The following EFHD1 variants were observed in gnomAD, a reference collection of about 807,000 sequenced individuals.
EFHD1 encodes EF-hand domain family member D1, also known as EF-hand domain-containing protein D1.
Under a neutral mutation model 17.2 loss-of-function variants are expected in EFHD1, and 10 were observed. The observed-to-expected ratio is 0.58, with a 90% CI of 0.36 to 0.99. The LOEUF (loss-of-function observed/expected upper bound fraction) is 0.99. Ranked by LOEUF, EFHD1 falls within the 50% of genes least tolerant of loss-of-function variation. The pLI is 0.01. For missense variants in EFHD1, 310 were observed against 327.5 expected, an observed-to-expected ratio of 0.95 and a Z score of 0.41; for synonymous variants, 153 against 142.0, an observed-to-expected ratio of 1.08 and a Z score of -0.55.
intron 1 of EFHD1, among the ~76,000 whole-genome samples, chr2:232,614,887 G>T (rs1693893102): frequency 6.6e-6 from 1 of 152,132 alleles, no homozygotes; most frequent in Admixed American, 6.6e-5. Flanking sequence ...GAGGCAGGAG[G>T]ATCGCTTGAG....
intron 1 of EFHD1, among the ~76,000 whole-genome samples, chr2:232,624,021 G>A (rs1332911386): frequency 6.6e-6 from 1 of 152,186 alleles, no homozygotes; most frequent in Non-Finnish European, 1.5e-5. Context: ...AAGGGCATGG[G>A]TGGGGACAAG....
intron 1 of EFHD1, among the ~76,000 whole-genome samples, chr2:232,646,198 G>C (rs575478683): frequency 3.3e-5 from 5 of 152,210 alleles, no homozygotes; most frequent in African/African-American, 1.2e-4. Flanking sequence ...ACAACATTCG[G>C]TAGCTCCCTA....
At chr2:232,656,162 T>C (rs1694758276) in intron 1 of EFHD1, among the ~76,000 whole-genome samples, 1 of 152,154 alleles carries the variant, frequency 6.6e-6, no homozygotes, top group Non-Finnish European at 1.5e-5. Context: ...ACCAGGCCCA[T>C]GGCCTCCCTG....
intron 1 of EFHD1, among the ~76,000 whole-genome samples, chr2:232,616,606 G>A (rs990357612): frequency 6.6e-6 from 1 of 152,078 alleles, no homozygotes; most frequent in African/African-American, 2.4e-5. Flanking sequence ...GCCACATGAT[G>A]CCACTTATAT....
intron 1 of EFHD1, among the ~76,000 whole-genome samples, chr2:232,660,454 C>A (rs1046565888): frequency 6.6e-6 from 1 of 151,912 alleles, no homozygotes; most frequent in Non-Finnish European, 1.5e-5. Context: ...CCCGCCTTGG[C>A]CTCCCAAAGT....
At chr2:232,626,948 G>C (rs1694111199) in intron 1 of EFHD1, among the ~76,000 whole-genome samples, 1 of 151,360 alleles carries the variant, frequency 6.6e-6, no homozygotes. Flanking sequence ...CACTTTGGGA[G>C]GTCAAGGCAG....
chr2:232,633,694 G>A lies in EFHD1; in HGVS notation c.-11G>A. 1 of 1,425,814 alleles carries A rather than the reference G, an allele frequency of 7.0e-7. No homozygotes were observed. Among genetic ancestry groups the A allele is most frequent in the Non-Finnish European group, 9.1e-7 (1 of 1,100,642 alleles). 88.3% of individuals were successfully genotyped at this position (1,425,814 alleles called of 1,614,324 possible). On this transcript the variant is annotated 5_prime_UTR_variant, in exon 1 of 4. Transcript: ENST00000264059. ...GCGTCCCCGCGTTCCCGCGTCCTGC[G>A]ATCCGCCGCCATGGCCAGTGAGGAG... is the stretch of plus-strand genomic sequence containing the variant.
chr2:232,613,719 T>C (rs1330666169), intron 1 of EFHD1, among the ~76,000 whole-genome samples: 4 of 134,992 alleles, frequency 3.0e-5, no homozygotes, highest in African/African-American at 8.4e-5. Context: ...CACACAAATA[T>C]ACACACACAT....
intron 1 of EFHD1, among the ~76,000 whole-genome samples, chr2:232,625,260 CTGGGACTA>C (rs1694086992): frequency 6.6e-6 from 1 of 151,882 alleles, no homozygotes; most frequent in Admixed American, 6.6e-5. Flanking sequence ...TCCGGAGTAG[CTGGGACTA>C]CAGGAACGCA....
intron 2 of EFHD1, among the ~76,000 whole-genome samples, chr2:232,666,580 T>C (rs1694970576): frequency 6.6e-6 from 1 of 152,210 alleles, no homozygotes; most frequent in South Asian, 2.1e-4. Context: ...CCTGAATCCA[T>C]GATGCTTGGT....
At chr2:232,675,740 G>C (rs888884895) in intron 3 of EFHD1, among the ~76,000 whole-genome samples, 5 of 152,122 alleles carry the variant, frequency 3.3e-5, no homozygotes, top group African/African-American at 7.2e-5. Context: ...GGTCCAATAA[G>C]GGTAGGGACA....
chr2:232,672,567 C>A (rs1269171788), intron 3 of EFHD1, 124 bp downstream of exon 3: 4 of 1,361,044 alleles, frequency 2.9e-6, no homozygotes, highest in Non-Finnish European at 3.0e-6. Flanking sequence ...AGGGTCCTCC[C>A]AGTGCTCTGC....
At chr2:232,625,481 A>AT (rs1279553816) in intron 1 of EFHD1, among the ~76,000 whole-genome samples, 2 of 152,130 alleles carry the variant, frequency 1.3e-5, no homozygotes, top group Non-Finnish European at 2.9e-5. Context: ...AATATATGAG[A>AT]TTTTTCAACT....
intron 1 of EFHD1, chr2:232,606,568 C>T: frequency 3.5e-6 from 1 of 282,944 alleles, no homozygotes; most frequent in Non-Finnish European, 7.1e-6. Context: ...GAGCAGGTTC[C>T]TCACCTGCAC....
At chr2:232,619,340 C>G (rs1445967512) in intron 1 of EFHD1, among the ~76,000 whole-genome samples, 1 of 143,738 alleles carries the variant, frequency 7.0e-6, no homozygotes, top group South Asian at 2.2e-4. Context: ...GATGAAGTCT[C>G]GCTCTTTTTC....
intron 1 of EFHD1, among the ~76,000 whole-genome samples, chr2:232,634,925 G>A (rs1305636024): frequency 6.6e-6 from 1 of 152,222 alleles, no homozygotes; most frequent in Non-Finnish European, 1.5e-5. Context: ...GTCATGCTTG[G>A]GCGTTTTTAA....
intron 3 of EFHD1, among the ~76,000 whole-genome samples, chr2:232,680,323 GAC>G (rs976708122): frequency 5.3e-5 from 8 of 151,830 alleles, no homozygotes; most frequent in Non-Finnish European, 1.2e-4. Flanking sequence ...TATAAATTGA[GAC>G]ACACACTCAC....
At chr2:232,644,834 G>T (rs1402063085) in intron 1 of EFHD1, among the ~76,000 whole-genome samples, 1 of 142,084 alleles carries the variant, frequency 7.0e-6, no homozygotes, top group South Asian at 2.3e-4. Flanking sequence ...TGGAGACGGG[G>T]TTTCTCCATG....
At chr2:232,662,656 T>C (rs1239510619) in intron 1 of EFHD1, 146 bp from the exon 2 acceptor site, 3 of 1,041,696 alleles carry the variant, frequency 2.9e-6, no homozygotes, top group Non-Finnish European at 3.9e-6. Flanking sequence ...GAGAGAGGGG[T>C]TCCTCTGGAG....
Sources: allele counts gnomAD v4.1 joint callset (sites outside exome capture counted in the v4.1 genomes callset), GRCh38; gene constraint gnomAD v4.1.1; transcripts MANE v1.5; gene names NCBI Gene and HGNC (gene_info 2026-07-23, HGNC 2026-07-21).